Variants in DLGAP1 observed in about 807,000 individuals in gnomAD.
DLGAP1 encodes DLG associated protein 1, also known as disks large-associated protein 1.
A neutral mutation model predicts 90.8 loss-of-function variants in DLGAP1; 11 were observed. That is an observed-to-expected ratio of 0.12 (90% CI 0.08 to 0.20). DLGAP1 has a LOEUF of 0.20. Among genes scored for constraint, DLGAP1 ranks in the 10% least tolerant of loss-of-function variants. DLGAP1 has a pLI of 1.00. For missense variants in DLGAP1, 1,050 were observed against 1,333.8 expected (o/e 0.79, Z 3.31); for synonymous variants, 558 against 540.7 (o/e 1.03, Z -0.44).
At chr18:3,573,950 C>T (rs752376073) in intron 8 of DLGAP1, among the ~76,000 whole-genome samples, 1 of 152,208 alleles carries the variant, frequency 6.6e-6, no homozygotes, top group Non-Finnish European at 1.5e-5. Flanking sequence ...CATCTACCCA[C>T]CTTAGCTTCC....
intron 7 of DLGAP1, among the ~76,000 whole-genome samples, chr18:3,677,530 C>T (rs757571199): frequency 8.5e-5 from 13 of 152,216 alleles, no homozygotes; most frequent in Non-Finnish European, 1.2e-4. Flanking sequence ...AAGCCTTCAG[C>T]GGCTTTCTAG....
chr18:4,074,223 TC>T (rs1270784514), intron 2 of DLGAP1, among the ~76,000 whole-genome samples: 2 of 152,116 alleles, frequency 1.3e-5, no homozygotes, highest in Non-Finnish European at 2.9e-5. Context: ...GTAAGTATAT[TC>T]ATGTCTTTGT....
rs138571466 is a variant in DLGAP1, at chr18:3,560,051, A to C, written c.2057+7439T>G. ...CCATTCATTTCATTTATACATGAGTAAGTAAATGTACATATATTTAAATAC... is the reference window on the plus strand; with the variant it reads ...CCATTCATTTCATTTATACATGAGTCAGTAAATGTACATATATTTAAATAC... On this transcript the variant is annotated intron_variant, in intron 9 of 12. Coordinates refer to ENST00000315677, the MANE Select transcript of DLGAP1 (RefSeq NM_004746.4). Among the ~76,000 whole-genome samples the C allele has an allele frequency of 3.1e-3, 472 of 152,304 alleles. 6 individuals carry two copies. The highest frequency in any genetic ancestry group is 9.7e-3 in the African/African-American group (404 of 41,570).
At chr18:3,596,672 C>T (rs543570115) in intron 7 of DLGAP1, 1 of 356,318 alleles carries the variant, frequency 2.8e-6, no homozygotes, top group Non-Finnish European at 5.4e-6. Flanking sequence ...ACGCGTGGCT[C>T]ACGGTACTAG....
chr18:3,792,382 T>G (rs1283110974), intron 5 of DLGAP1, among the ~76,000 whole-genome samples: 1 of 151,832 alleles, frequency 6.6e-6, no homozygotes, highest in African/African-American at 2.4e-5. Context: ...CTTGGGAGGC[T>G]GGGGCAGGAG....
intron 1 of DLGAP1, among the ~76,000 whole-genome samples, chr18:4,234,636 A>G (rs1481416634): frequency 6.6e-6 from 1 of 152,190 alleles, no homozygotes; most frequent in Non-Finnish European, 1.5e-5. Context: ...TATAAAAACA[A>G]TAACACTTCT....
chr18:3,772,465 T>TTTCC, intron 5 of DLGAP1, among the ~76,000 whole-genome samples: 1 of 124,940 alleles, frequency 8.0e-6, no homozygotes, highest in Non-Finnish European at 1.6e-5. Flanking sequence ...CCCCTCTTTC[T>TTTCC]TTCTTTCTTT....
chr18:3,892,837 T>C (rs1313398327), intron 3 of DLGAP1, among the ~76,000 whole-genome samples: 1 of 148,798 alleles, frequency 6.7e-6, no homozygotes, highest in African/African-American at 2.6e-5. Context: ...TGTTCCATAT[T>C]TTGTTCAAAT....
chr18:3,644,085 C>T (rs2059035709), intron 7 of DLGAP1, among the ~76,000 whole-genome samples: 2 of 152,166 alleles, frequency 1.3e-5, no homozygotes, highest in African/African-American at 2.4e-5. Flanking sequence ...TAATGTTTGT[C>T]ACTTTTGGTT....
chr18:3,915,592 T>C (rs2072124891), intron 3 of DLGAP1, among the ~76,000 whole-genome samples: 1 of 152,224 alleles, frequency 6.6e-6, no homozygotes, highest in Non-Finnish European at 1.5e-5. Context: ...TTTTGTGCAC[T>C]TGGAGGGTTT....
intron 1 of DLGAP1, among the ~76,000 whole-genome samples, chr18:4,167,351 T>A (rs923835005): frequency 3.3e-5 from 5 of 151,994 alleles, no homozygotes; most frequent in Admixed American, 1.3e-4. Flanking sequence ...AAAAAATAGG[T>A]GTGGCTATGT....
intron 7 of DLGAP1, among the ~76,000 whole-genome samples, chr18:3,632,387 C>T (rs899750706): frequency 1.3e-5 from 2 of 151,634 alleles, no homozygotes; most frequent in East Asian, 1.9e-4. Flanking sequence ...CTGCAACCTC[C>T]GCCTCCCAGG....
chr18:4,035,764 T>A (rs750685707), intron 2 of DLGAP1, among the ~76,000 whole-genome samples: 66 of 152,170 alleles, frequency 4.3e-4, no homozygotes, highest in Non-Finnish European at 8.2e-4. Flanking sequence ...AGGATTTGAT[T>A]TTCTTTGGCT....
intron 2 of DLGAP1, among the ~76,000 whole-genome samples, chr18:4,142,033 T>C (rs535951586): frequency 3.9e-5 from 6 of 152,246 alleles, no homozygotes; most frequent in African/African-American, 1.4e-4. Context: ...ATGTTTGTGG[T>C]TGTTCCTTGG....
At chr18:4,367,995 G>T (rs1598296132) in intron 1 of DLGAP1, among the ~76,000 whole-genome samples, 2 of 152,072 alleles carry the variant, frequency 1.3e-5, no homozygotes, top group Middle Eastern at 6.8e-3. Flanking sequence ...CATTTCATTT[G>T]TATAAGGAAG....
chr18:3,623,656 A>G (rs2058182095), intron 7 of DLGAP1, among the ~76,000 whole-genome samples: 2 of 151,894 alleles, frequency 1.3e-5, no homozygotes, highest in African/African-American at 4.8e-5. Flanking sequence ...GCATGCCTGT[A>G]ATCCCAGCTA....
At chr18:4,299,774 A>C (rs965663001) in intron 1 of DLGAP1, among the ~76,000 whole-genome samples, 63 of 152,194 alleles carry the variant, frequency 4.1e-4, no homozygotes, top group Non-Finnish European at 7.4e-5. Flanking sequence ...GCTGTAAAAT[A>C]TTCCCATAAA....
At chr18:3,600,657 T>TATCTATAGAG (rs1365980956) in intron 7 of DLGAP1, among the ~76,000 whole-genome samples, 1 of 147,264 alleles carries the variant, frequency 6.8e-6, no homozygotes, top group African/African-American at 2.6e-5. Flanking sequence ...GAGATATAGA[T>TATCTATAGAG]ATCTATAGAG....
At chr18:3,505,501 C>T (rs1598966327) in intron 11 of DLGAP1, among the ~76,000 whole-genome samples, 1 of 151,056 alleles carries the variant, frequency 6.6e-6, no homozygotes, top group African/African-American at 2.4e-5. Flanking sequence ...AGCTGGGTGT[C>T]GTGGTGGGCG....
Sources: gnomAD v4.1 joint callset for allele counts (sites outside exome capture counted in the v4.1 genomes callset) on GRCh38, gnomAD v4.1.1 for gene constraint, MANE v1.5 for transcripts, NCBI Gene and HGNC (gene_info 2026-07-23, HGNC 2026-07-21) for gene names.